PLCL1: variants seen among roughly 807,000 people sequenced by gnomAD.
PLCL1 encodes the protein phospholipase C like 1 (inactive), also known as inactive phospholipase C-like protein 1.
PLCL1 carries 41 observed loss-of-function variants against 84.4 expected under a neutral mutation model. The observed-to-expected ratio is 0.49, with a 90% CI of 0.38 to 0.63. PLCL1 has a LOEUF of 0.63. Among genes scored for constraint, PLCL1 ranks in the 30% least tolerant of loss-of-function variants. PLCL1 has a pLI of 0.00. For missense variants in PLCL1, 1,206 were observed against 1,367.8 expected, an observed-to-expected ratio of 0.88 and a Z score of 1.87; for synonymous variants, 490 against 488.3, an observed-to-expected ratio of 1.00 and a Z score of -0.05.
At chr2:197,998,380 C>T (rs1018742349) in intron 1 of PLCL1, among the ~76,000 whole-genome samples, 1 of 152,010 alleles carries the variant, frequency 6.6e-6, no homozygotes, top group Non-Finnish European at 1.5e-5. Context: ...TCCCTGGAGA[C>T]TTTATGATCA....
At chr2:197,825,050 G>C (rs535297194) in intron 1 of PLCL1, among the ~76,000 whole-genome samples, 1 of 152,178 alleles carries the variant, frequency 6.6e-6, no homozygotes, top group Admixed American at 6.5e-5. Flanking sequence ...AATCAGAGGT[G>C]TCTCTGGTTT....
At chr2:198,034,898 T>G (rs748895799) in intron 1 of PLCL1, among the ~76,000 whole-genome samples, 2 of 152,224 alleles carry the variant, frequency 1.3e-5, no homozygotes, top group Non-Finnish European at 2.9e-5. Flanking sequence ...GCCAGTTATT[T>G]TGGGTTAATC....
rs142178877 is a variant in PLCL1 at position 197,934,158 on chromosome 2, T to A, written c.240+128819T>A. Among the ~76,000 whole-genome samples, 3 of 152,356 alleles carry A rather than the reference T, an allele frequency of 2.0e-5. No individual in the cohort carries two copies. In the East Asian group the frequency reaches 5.8e-4, roughly 29 times the overall value. ...GTTTATGGTTTCTTTCTTATCTCAG[T>A]AAAAACAGTTTGGTTTGCCAGCAAG... On this transcript the variant is annotated intron_variant, in intron 1 of 5. Coordinates refer to ENST00000428675, the MANE Select transcript of PLCL1 (RefSeq NM_006226.4).
chr2:197,996,385 T>C (rs920482305), intron 1 of PLCL1, among the ~76,000 whole-genome samples: 1 of 152,140 alleles, frequency 6.6e-6, no homozygotes, highest in African/African-American at 2.4e-5. Context: ...CATTATATAG[T>C]TGTCAAAAGT....
chr2:198,106,780 A>G (rs1032658565), intron 5 of PLCL1, among the ~76,000 whole-genome samples: 3 of 152,032 alleles, frequency 2.0e-5, no homozygotes, highest in Non-Finnish European at 4.4e-5. Flanking sequence ...CCTTGCCACA[A>G]CAGTGCAATC....
intron 1 of PLCL1, among the ~76,000 whole-genome samples, chr2:197,932,223 G>A (rs1688950107): frequency 6.6e-6 from 1 of 152,114 alleles, no homozygotes; most frequent in Non-Finnish European, 1.5e-5. Flanking sequence ...TGTTGAATGA[G>A]ATTATGCAGT....
At chr2:197,995,666 G>C (rs539969457) in intron 1 of PLCL1, among the ~76,000 whole-genome samples, 13 of 152,132 alleles carry the variant, frequency 8.5e-5, no homozygotes, top group South Asian at 2.1e-4. Context: ...CAATCTCAGC[G>C]TCAGCCATGT....
chr2:197,928,000 A>T (rs1445640240), intron 1 of PLCL1, among the ~76,000 whole-genome samples: 1 of 151,284 alleles, frequency 6.6e-6, no homozygotes, highest in Non-Finnish European at 1.5e-5. Context: ...TAAATTTAGA[A>T]CCAAGGGTCA....
At chr2:197,874,163 C>T (rs1389045427) in intron 1 of PLCL1, among the ~76,000 whole-genome samples, 1 of 152,116 alleles carries the variant, frequency 6.6e-6, no homozygotes, top group African/African-American at 2.4e-5. Flanking sequence ...CGTGTAGTCA[C>T]ATTTCCATAG....
intron 1 of PLCL1, among the ~76,000 whole-genome samples, chr2:197,814,653 T>C (rs1423390208): frequency 2.0e-5 from 3 of 152,208 alleles, no homozygotes; most frequent in African/African-American, 7.2e-5. Flanking sequence ...AAAGCTGAGA[T>C]AGGCTGAAAG....
At chr2:197,900,073 T>G (rs149919632) in intron 1 of PLCL1, among the ~76,000 whole-genome samples, 1 of 152,360 alleles carries the variant, frequency 6.6e-6, no homozygotes, top group Non-Finnish European at 1.5e-5. Context: ...CTCACTTTTC[T>G]TTATAGCACT....
rs374239662 is a variant in PLCL1 at position 198,088,881 on chromosome 2, A to G, written c.2739A>G (p.Glu913=). 2.5e-6 allele frequency: 4 copies of G among 1,610,838 alleles called. No homozygotes were observed. The African/African-American group carries it at 5.3e-5, about 21-fold the overall frequency. Residue 913 remains glutamate, a synonymous_variant, in exon 3 of 6, where the codon GAA becomes GAG. Transcript: ENST00000428675. ...NMQNAIVSIK[E]LCGLPPIASL... ...AGAATGCAATCGTGTCTATTAAGGA[A>G]CTATGTGGACTCCCTCCAATTGCCA...
intron 1 of PLCL1, among the ~76,000 whole-genome samples, chr2:197,837,839 G>A (rs1691221698): frequency 6.6e-6 from 1 of 152,214 alleles, no homozygotes; most frequent in Admixed American, 6.5e-5. Context: ...TATGCATCCA[G>A]TTAGAATATT....
At chr2:198,110,743 C>T (rs192829743) in intron 5 of PLCL1, among the ~76,000 whole-genome samples, 2 of 151,854 alleles carry the variant, frequency 1.3e-5, no homozygotes, top group Admixed American at 6.6e-5. Context: ...TTCCAACAGA[C>T]ATAGTGACCA....
intron 1 of PLCL1, among the ~76,000 whole-genome samples, chr2:197,935,730 C>T (rs1309798027): frequency 1.3e-5 from 2 of 152,244 alleles, no homozygotes; most frequent in South Asian, 4.1e-4. Flanking sequence ...TTTACCTATA[C>T]AACAAACCTG....
chr2:198,107,553 CAT>C (rs1693506199), intron 5 of PLCL1, among the ~76,000 whole-genome samples: 1 of 152,004 alleles, frequency 6.6e-6, no homozygotes, highest in African/African-American at 2.4e-5. Flanking sequence ...AACTAGACAG[CAT>C]ATATGTTAGC....
chr2:198,123,507 G>A (rs1693918883), intron 5 of PLCL1, among the ~76,000 whole-genome samples: 1 of 151,940 alleles, frequency 6.6e-6, no homozygotes, highest in Non-Finnish European at 1.5e-5. Flanking sequence ...ACTTAGACAG[G>A]TACAGAAGGA....
intron 1 of PLCL1, among the ~76,000 whole-genome samples, chr2:198,077,682 A>T (rs949708151): frequency 1.6e-4 from 25 of 152,084 alleles, no homozygotes; most frequent in Non-Finnish European, 2.1e-4. Context: ...TGCAGCCCAG[A>T]CTTCTCCCTG....
intron 1 of PLCL1, among the ~76,000 whole-genome samples, chr2:197,930,381 A>G (rs1020321203): frequency 6.6e-6 from 1 of 152,222 alleles, no homozygotes; most frequent in East Asian, 1.9e-4. Context: ...GACTGAACTC[A>G]AATTCAGATG....
Sources: allele counts gnomAD v4.1 joint callset (sites outside exome capture counted in the v4.1 genomes callset), GRCh38; gene constraint gnomAD v4.1.1; transcripts MANE v1.5; gene names NCBI Gene and HGNC (gene_info 2026-07-23, HGNC 2026-07-21).